CYLD: variants seen among roughly 807,000 people sequenced by gnomAD.
The protein encoded by CYLD is ubiquitin carboxyl-terminal hydrolase CYLD.
In CYLD, 26 loss-of-function variants were observed where a neutral mutation model predicts 104.5. That is an observed-to-expected ratio of 0.25 (90% confidence interval 0.18 to 0.35). The LOEUF is 0.35. Among genes scored for constraint, CYLD ranks in the 10% least tolerant of loss-of-function variants. The pLI is 1.00. For missense variants in CYLD, 703 were observed against 1,136.1 expected, an observed-to-expected ratio of 0.62 and a Z score of 5.48; for synonymous variants, 385 against 399.9, an observed-to-expected ratio of 0.96 and a Z score of 0.45.
Position 50,787,956 on chromosome 16 carries a change from A to G in CYLD, c.2108+104A>G, listed in dbSNP as rs187321445. The G allele has an allele frequency of 3.7e-3, 2,664 of 727,492 alleles. 41 individuals are homozygous for G. Among genetic ancestry groups the G allele is most frequent in the Non-Finnish European group, 5.0e-3 (2,135 of 427,638 alleles). The allele number at this position is 727,492 out of a possible 1,614,324, so 45.1% of individuals were successfully genotyped here. ...TTCCAGAATGATTTCTTAATATTGT[A>G]TTTGTTTAGGGCTCTTAATAGGCTA... On this transcript the variant is annotated intron_variant, in intron 14 of 18. Coordinates refer to ENST00000427738, the MANE Select transcript of CYLD (RefSeq NM_001378743.1).
intron 5 of CYLD, among the ~76,000 whole-genome samples, chr16:50,761,164 G>A (rs1489437886): frequency 6.6e-6 from 1 of 152,086 alleles, no homozygotes; most frequent in Non-Finnish European, 1.5e-5. Context: ...TTCTTCATGT[G>A]TTAGGGTGGC....
intron 5 of CYLD, among the ~76,000 whole-genome samples, chr16:50,763,545 C>CT (rs1351463479): frequency 6.6e-6 from 1 of 152,092 alleles, no homozygotes; most frequent in African/African-American, 2.4e-5. Flanking sequence ...TATTATCTGA[C>CT]TTTTTTATTC....
chr16:50,797,103 G>A lies in CYLD; in HGVS notation c.*595G>A, dbSNP rs1430183081. 4.3e-6 allele frequency: 1 copy of A among 234,272 alleles called. No homozygotes were observed. The highest frequency in any genetic ancestry group is 8.4e-6 in the Non-Finnish European group (1 of 118,874). 14.5% of individuals were successfully genotyped at this position (234,272 alleles called of 1,614,324 possible). A position where few individuals can be genotyped will look rare whatever the true frequency, so the allele number is the denominator to read the frequency against. On this transcript the variant is annotated 3_prime_UTR_variant, in exon 19 of 19. Coordinates refer to ENST00000427738, the MANE Select transcript of CYLD (RefSeq NM_001378743.1). ...AGAAAAATACTTAAATTCCCTTAATGGTGTTGTTTTCTATTTGTTCTGGTT... is the reference window on the plus strand; with the variant it reads ...AGAAAAATACTTAAATTCCCTTAATAGTGTTGTTTTCTATTTGTTCTGGTT...
intron 5 of CYLD, among the ~76,000 whole-genome samples, chr16:50,772,181 G>A (rs1424496086): frequency 6.6e-6 from 1 of 152,124 alleles, no homozygotes; most frequent in Non-Finnish European, 1.5e-5. Flanking sequence ...CAAAACTTTG[G>A]TTGGGGCCTT....
In CYLD at chr16:50,779,656, AT is replaced by A. The variant is rs750645353; in HGVS notation, c.1139-3del. The A allele has an allele frequency of 8.1e-6, 13 of 1,613,184 alleles. No homozygotes were observed. In the African/African-American group the frequency reaches 1.5e-4, roughly 18 times the overall value. On this transcript the variant is annotated splice_polypyrimidine_tract_variant and splice_region_variant and intron_variant, in intron 8 of 18. Transcript: ENST00000427738. ...GAATACATTTCTGTAATTAGGAATA[AT>A]TTTTTAGTTGCAGAAGACCCTGCAA...
At chr16:50,789,466 T>C (rs1687514496) in intron 14 of CYLD, among the ~76,000 whole-genome samples, 1 of 152,038 alleles carries the variant, frequency 6.6e-6, no homozygotes, top group Admixed American at 6.5e-5. Flanking sequence ...TCAGAGTGGG[T>C]AGGGAGGGAT....
intron 15 of CYLD, 61 bp downstream of exon 15, chr16:50,791,751 G>T: frequency 6.5e-7 from 1 of 1,546,940 alleles, no homozygotes; most frequent in Admixed American, 1.7e-5. Context: ...AAGACTATTG[G>T]TAGTTTCAGT....
chr16:50,780,559 C>T (rs1356113396), intron 9 of CYLD, among the ~76,000 whole-genome samples: 2 of 152,162 alleles, frequency 1.3e-5, no homozygotes, highest in African/African-American at 4.8e-5. Flanking sequence ...CACTCTGTCA[C>T]CCAGACTGGA....
At chr16:50,744,067 A>C (rs888493796) in intron 2 of CYLD, among the ~76,000 whole-genome samples, 1 of 152,170 alleles carries the variant, frequency 6.6e-6, no homozygotes, top group Non-Finnish European at 1.5e-5. Flanking sequence ...TGGGCACTGG[A>C]TAATATAAAA....
intron 5 of CYLD, 59 bp downstream of exon 5, chr16:50,754,483 T>G (rs1401501134): frequency 2.7e-6 from 3 of 1,131,552 alleles, no homozygotes; most frequent in Middle Eastern, 2.8e-4. Flanking sequence ...ATTTTTTATT[T>G]TTTTATATCA....
intron 5 of CYLD, among the ~76,000 whole-genome samples, chr16:50,769,179 T>A (rs956977817): frequency 2.0e-5 from 3 of 152,202 alleles, no homozygotes; most frequent in African/African-American, 7.2e-5. Flanking sequence ...ACATATGCCT[T>A]CATTTCACTT....
chr16:50,792,628 G>A lies in CYLD; in HGVS notation c.2273G>A (p.Arg758Gln), dbSNP rs1315227790. 1 of 1,604,720 alleles carries A rather than the reference G, an allele frequency of 6.2e-7. No individual in the cohort carries two copies. The highest frequency in any genetic ancestry group is 8.5e-7 in the Non-Finnish European group (1 of 1,172,734). ...TCATGTCTGATTATTCAGATGCCTC[G>A]ATTTGGAAAAGACTTTAAACTATTT... Reference protein sequence around the residue: ...APSCLIIQMPRFGKDFKLFKK... With the variant: ...APSCLIIQMPQFGKDFKLFKK... Residue 758 changes from arginine (R) to glutamine (Q), a missense_variant, in exon 16 of 19, where the codon CGA becomes CAA. Physicochemically the swap from Arg to Gln is conservative, Grantham distance 43. This residue lies in a region of CYLD where 125 missense variants were observed against 325.4 expected (regional missense o/e 0.38). Coordinates refer to ENST00000427738, the MANE Select transcript of CYLD (RefSeq NM_001378743.1).
chr16:50,795,606 C>T (rs1167332528), intron 18 of CYLD: 1 of 702,994 alleles, frequency 1.4e-6, no homozygotes, highest in South Asian at 1.5e-5. Context: ...TAGCCTAAGA[C>T]ATTCCCTGTG....
intron 13 of CYLD, 156 bp from the exon 14 acceptor site, chr16:50,787,629 TC>T (rs1970985912): frequency 3.5e-6 from 2 of 568,356 alleles, no homozygotes; most frequent in Non-Finnish European, 6.3e-6. Flanking sequence ...TTTATGTTTT[TC>T]CTTTGTCAGG....
At chr16:50,757,760 T>C (rs1431370394) in intron 5 of CYLD, among the ~76,000 whole-genome samples, 1 of 152,118 alleles carries the variant, frequency 6.6e-6, no homozygotes, top group Non-Finnish European at 1.5e-5. Context: ...ATGGTCTCAA[T>C]CTCCTGACCT....
At chr16:50,762,421 G>A (rs1420639528) in intron 5 of CYLD, among the ~76,000 whole-genome samples, 6 of 152,104 alleles carry the variant, frequency 3.9e-5, no homozygotes, top group Admixed American at 2.0e-4. Context: ...TGCTTGCTGC[G>A]TATAAATCAA....
At position 50,779,470 on chromosome 16, in the gene CYLD, G is replaced by A. The variant is rs555933100; in HGVS notation, c.1139-195G>A. Among the ~76,000 whole-genome samples, 80 of 152,160 alleles carry A rather than the reference G, an allele frequency of 5.3e-4. 1 individual carries two copies. Among genetic ancestry groups the A allele is most frequent in the Admixed American group, 1.0e-3 (16 of 15,276 alleles). ...TGAACAGTTGGGTGCCATTGACTGAGGTGCATAAATATGGAGGTGGAGAGA... is the reference window on the plus strand; with the variant it reads ...TGAACAGTTGGGTGCCATTGACTGAAGTGCATAAATATGGAGGTGGAGAGA... On this transcript the variant is annotated intron_variant, in intron 8 of 18. Transcript: ENST00000427738.
chr16:50,769,958 C>T (rs1968965622), intron 5 of CYLD, among the ~76,000 whole-genome samples: 1 of 152,080 alleles, frequency 6.6e-6, no homozygotes, highest in Non-Finnish European at 1.5e-5. Context: ...GGAGATTTAT[C>T]TACATTATTT....
intron 8 of CYLD, among the ~76,000 whole-genome samples, chr16:50,778,847 A>AT (rs1003860018): frequency 1.5e-4 from 23 of 150,802 alleles, no homozygotes; most frequent in African/African-American, 4.7e-4. Flanking sequence ...TTCCTGTTTA[A>AT]TTTTTTTTTA....
Sources: allele counts gnomAD v4.1 joint callset (sites outside exome capture counted in the v4.1 genomes callset), GRCh38; gene constraint gnomAD v4.1.1; regional missense constraint gnomAD v4.1.1; transcripts MANE v1.5; gene names NCBI Gene and HGNC (gene_info 2026-07-23, HGNC 2026-07-21).